The following PPP3CA variants were observed in gnomAD, a reference collection of about 807,000 sequenced individuals.
The protein encoded by PPP3CA is CAM-PRP catalytic subunit.
Under a neutral mutation model 66.5 loss-of-function variants are expected in PPP3CA, and 14 were observed. The ratio of observed to expected loss-of-function variants is 0.21; its 90% CI spans 0.14 to 0.33. The LOEUF (loss-of-function observed/expected upper bound fraction) is 0.33. Ranked by LOEUF, PPP3CA falls within the 10% of genes least tolerant of loss-of-function variation. The pLI, the probability that PPP3CA is intolerant of heterozygous loss-of-function variation, is 1.00. For missense variants in PPP3CA, 317 were observed against 639.5 expected, an observed-to-expected ratio of 0.50 and a Z score of 5.44; for synonymous variants, 232 against 226.2, an observed-to-expected ratio of 1.03 and a Z score of -0.23.
intron 3 of PPP3CA, 136 bp downstream of exon 3, chr4:101,108,818 G>T: frequency 1.1e-6 from 1 of 873,778 alleles, no homozygotes; most frequent in Non-Finnish European, 1.7e-6. Context: ...AATATAATAT[G>T]TAATATCCTA....
intron 3 of PPP3CA, among the ~76,000 whole-genome samples, chr4:101,101,474 A>G (rs767437997): frequency 3.7e-4 from 56 of 152,278 alleles, no homozygotes; most frequent in Middle Eastern, 3.4e-3. Flanking sequence ...ATTTTTCCAA[A>G]TTGGTCGTTA....
chr4:101,128,726 G>T (rs1173747963), intron 2 of PPP3CA, among the ~76,000 whole-genome samples: 2 of 152,052 alleles, frequency 1.3e-5, no homozygotes, highest in Non-Finnish European at 2.9e-5. Context: ...CAGATACTAC[G>T]CTTTCCCCAC....
intron 3 of PPP3CA, among the ~76,000 whole-genome samples, chr4:101,106,439 A>AG (rs1214658431): frequency 9.2e-4 from 12 of 12,974 alleles, no homozygotes; most frequent in Non-Finnish European, 1.2e-3. Flanking sequence ...GAAAGAAAGA[A>AG]AGAAAGAAAG....
chr4:101,112,357 T>C (rs1721701314), intron 2 of PPP3CA, among the ~76,000 whole-genome samples: 1 of 152,166 alleles, frequency 6.6e-6, no homozygotes, highest in African/African-American at 2.4e-5. Flanking sequence ...ATTTACAATA[T>C]CACTGCAATA....
intron 1 of PPP3CA, among the ~76,000 whole-genome samples, chr4:101,233,952 T>C (rs1358617996): frequency 6.6e-6 from 1 of 151,840 alleles, no homozygotes; most frequent in African/African-American, 2.4e-5. Context: ...TGTGTCCATG[T>C]GTTTTCATTA....
At chr4:101,334,459 T>C in intron 1 of PPP3CA, among the ~76,000 whole-genome samples, 1 of 152,028 alleles carries the variant, frequency 6.6e-6, no homozygotes, top group Non-Finnish European at 1.5e-5. Context: ...CAAAGAGGCA[T>C]GGGATATGGA....
intron 1 of PPP3CA, among the ~76,000 whole-genome samples, chr4:101,265,229 G>A (rs1727133335): frequency 6.6e-6 from 1 of 152,072 alleles, no homozygotes; most frequent in Non-Finnish European, 1.5e-5. Context: ...CGATCCTCCT[G>A]CCTCAGCCTC....
chr4:101,160,540 G>A (rs565511206), intron 2 of PPP3CA, among the ~76,000 whole-genome samples: 3 of 152,120 alleles, frequency 2.0e-5, no homozygotes, highest in African/African-American at 7.2e-5. Flanking sequence ...GTGAATACTC[G>A]AGAAGCAAAA....
chr4:101,251,596 T>C lies in PPP3CA; in HGVS notation c.59-55480A>G, dbSNP rs115342680. 3.3e-3 allele frequency among the ~76,000 whole-genome samples: 503 copies of C among 152,282 alleles called. 2 individuals carry two copies. Among genetic ancestry groups the C allele is most frequent in the African/African-American group, 0.011 (444 of 41,546 alleles). On this transcript the variant is annotated intron_variant, in intron 1 of 13. Transcript: ENST00000394854. ...ATAATTGTTAACAACAGGGATGCTC[T>C]AGTGCTTTTCCTGAATAACAGAAAA...
intron 1 of PPP3CA, among the ~76,000 whole-genome samples, chr4:101,337,195 A>AT (rs1342746250): frequency 2.0e-5 from 3 of 152,304 alleles, no homozygotes; most frequent in Admixed American, 6.5e-5. Context: ...AACTGGTTAA[A>AT]TTTTTTTAAA....
At chr4:101,326,098 T>C (rs1298925566) in intron 1 of PPP3CA, among the ~76,000 whole-genome samples, 1 of 152,024 alleles carries the variant, frequency 6.6e-6, no homozygotes, top group African/African-American at 2.4e-5. Flanking sequence ...ACTGCACCAA[T>C]GCACGCCAGC....
chr4:101,171,350 CAAAA>C, intron 2 of PPP3CA: 1 of 190,940 alleles, frequency 5.2e-6, no homozygotes, highest in South Asian at 6.5e-5. Context: ...ACAATTCTTT[CAAAA>C]AAAAAAAAAA....
intron 10 of PPP3CA, among the ~76,000 whole-genome samples, chr4:101,050,868 G>A (rs1398863240): frequency 6.6e-6 from 1 of 152,130 alleles, no homozygotes; most frequent in Non-Finnish European, 1.5e-5. Flanking sequence ...GTGCAGATAT[G>A]AACATTCCAG....
At chr4:101,218,384 G>A (rs925155692) in intron 1 of PPP3CA, among the ~76,000 whole-genome samples, 6 of 151,968 alleles carry the variant, frequency 3.9e-5, no homozygotes, top group African/African-American at 1.2e-4. Flanking sequence ...TTAAAAACCC[G>A]TTAAAAACTG....
In PPP3CA at chr4:101,088,145, C is replaced by A. The variant is rs181441860; in HGVS notation, c.783-4882G>T. ...GTCTCTCTCTCCCCCTCCCCACCAA[C>A]CTGTGTGTGTGCGCGTGTGTGTAAT... On this transcript the variant is annotated intron_variant, in intron 6 of 13. Coordinates refer to ENST00000394854, the MANE Select transcript of PPP3CA (RefSeq NM_000944.5). Among the ~76,000 whole-genome samples, 492 of 151,112 alleles carry A rather than the reference C, an allele frequency of 3.3e-3. 3 individuals carry two copies. The highest frequency in any genetic ancestry group is 0.011 in the African/African-American group (457 of 40,638).
intron 13 of PPP3CA, among the ~76,000 whole-genome samples, chr4:101,027,682 T>A (rs1469873209): frequency 6.6e-6 from 1 of 152,198 alleles, no homozygotes; most frequent in African/African-American, 2.4e-5. Flanking sequence ...TTAACAGGTA[T>A]AAAAGTTTGT....
intron 2 of PPP3CA, among the ~76,000 whole-genome samples, chr4:101,143,624 G>GGTTCCACTA (rs924285410): frequency 2.6e-5 from 4 of 152,044 alleles, no homozygotes; most frequent in African/African-American, 9.7e-5. Flanking sequence ...CCTCTCCTCA[G>GGTTCCACTA]GTTCCACTAG....
At position 101,335,822 on chromosome 4, in the gene PPP3CA, G is replaced by C. The variant is rs536586655; in HGVS notation, c.58+10917C>G. 2.0e-5 allele frequency among the ~76,000 whole-genome samples: 3 copies of C among 152,288 alleles called. No individual in the cohort carries two copies. In the East Asian group the frequency reaches 5.8e-4, roughly 29 times the overall value. On this transcript the variant is annotated intron_variant, in intron 1 of 13. Coordinates refer to ENST00000394854, the MANE Select transcript of PPP3CA (RefSeq NM_000944.5). Reference sequence around the variant, plus strand: ...GCTGGAGGTTCCATGGAAGAAGTCAGTCAAGATCAACCTTTGTTCACTTCT... The same window carrying C: ...GCTGGAGGTTCCATGGAAGAAGTCACTCAAGATCAACCTTTGTTCACTTCT...
At chr4:101,155,932 T>A (rs1393311282) in intron 2 of PPP3CA, among the ~76,000 whole-genome samples, 3 of 152,224 alleles carry the variant, frequency 2.0e-5, no homozygotes, top group African/African-American at 7.2e-5. Context: ...ATTGAGCTCT[T>A]ATCATGTGCT....
Sources: gnomAD v4.1 joint callset for allele counts (sites outside exome capture counted in the v4.1 genomes callset) on GRCh38, gnomAD v4.1.1 for gene constraint, MANE v1.5 for transcripts, NCBI Gene and HGNC (gene_info 2026-07-23, HGNC 2026-07-21) for gene names.